DHX35: variants seen among roughly 807,000 people sequenced by gnomAD.
DHX35 encodes the protein DEAH-box helicase 35.
In DHX35, 84 loss-of-function variants were observed where a neutral mutation model predicts 99.6. The observed-to-expected ratio is 0.84, with a 90% CI of 0.71 to 1.01. The LOEUF (loss-of-function observed/expected upper bound fraction) is 1.01. Among genes scored for constraint, DHX35 ranks in the 50% least tolerant of loss-of-function variants. The pLI, the probability that DHX35 is intolerant of heterozygous loss-of-function variation, is 0.00. For missense variants in DHX35, 852 were observed against 888.5 expected (o/e 0.96, Z 0.52); for synonymous variants, 331 against 316.2 (o/e 1.05, Z -0.50).
intron 2 of DHX35, among the ~76,000 whole-genome samples, chr20:38,971,736 A>G (rs1039153651): frequency 5.3e-5 from 8 of 152,138 alleles, no homozygotes; most frequent in African/African-American, 1.9e-4. Context: ...ACACTGTTCT[A>G]CATCTCACTT....
chr20:38,990,252 G>A (rs2086317763), intron 5 of DHX35, among the ~76,000 whole-genome samples: 2 of 152,172 alleles, frequency 1.3e-5, no homozygotes, highest in Admixed American at 1.3e-4. Flanking sequence ...TATGTATGTG[G>A]CAGCTAGTAC....
intron 14 of DHX35, among the ~76,000 whole-genome samples, chr20:39,018,237 A>T (rs2086816748): frequency 6.6e-6 from 1 of 152,136 alleles, no homozygotes; most frequent in East Asian, 1.9e-4. Context: ...GATGCCATCG[A>T]TACCATCCTG....
At chr20:39,025,980 G>C (rs2086950887) in intron 18 of DHX35, among the ~76,000 whole-genome samples, 2 of 152,170 alleles carry the variant, frequency 1.3e-5, no homozygotes, top group Non-Finnish European at 2.9e-5. Context: ...ATCCTAGGGA[G>C]AAGGTAGATT....
chr20:39,028,623 C>T, intron 19 of DHX35, 124 bp downstream of exon 19: 1 of 1,108,970 alleles, frequency 9.0e-7, no homozygotes, highest in South Asian at 1.5e-5. Flanking sequence ...ATGTCTCCTT[C>T]CAAAACTGAG....
intron 5 of DHX35, among the ~76,000 whole-genome samples, chr20:38,991,010 T>G (rs1254549940): frequency 6.6e-6 from 1 of 152,198 alleles, no homozygotes. Flanking sequence ...TGATCCTATC[T>G]AGAGTCTGTA....
chr20:39,022,027 G>C, intron 16 of DHX35, 92 bp downstream of exon 16: 4 of 1,276,408 alleles, frequency 3.1e-6, no homozygotes, highest in Non-Finnish European at 2.3e-6. Flanking sequence ...GCTGAAGACA[G>C]AGCTGTACAA....
chr20:38,992,953 T>A (rs968811546), intron 7 of DHX35, among the ~76,000 whole-genome samples: 2 of 152,206 alleles, frequency 1.3e-5, no homozygotes, highest in Admixed American at 6.5e-5. Context: ...TTCATACATA[T>A]CCCAAAGAAG....
intron 4 of DHX35, among the ~76,000 whole-genome samples, chr20:38,984,024 C>T (rs959026169): frequency 6.6e-6 from 1 of 152,194 alleles, no homozygotes; most frequent in Non-Finnish European, 1.5e-5. Flanking sequence ...ATTCTCCTGC[C>T]TCAGCCTCCC....
At position 39,006,322 on chromosome 20, in the gene DHX35, T is replaced by G. The variant is rs768207540; in HGVS notation, c.1188T>G (p.Arg396=). 6.2e-7 allele frequency: 1 copy of G among 1,614,160 alleles called. No individual in the cohort carries two copies. The highest frequency in any genetic ancestry group is 1.3e-5 in the African/African-American group (1 of 75,042). Residue 396 remains arginine, a synonymous_variant, in exon 12 of 22, where the codon CGT becomes CGG. Coordinates refer to ENST00000252011, the MANE Select transcript of DHX35 (RefSeq NM_021931.4). ...ATCAGCGAGCAGGACGTGGTGGTCG[T>G]AGTCGCTCGGGAAAATGTTATCGCC... ...SANQRAGRGG[R]SRSGKCYRLY... is the part of the protein sequence containing the mutation.
At chr20:38,973,180 T>C (rs898226642) in intron 3 of DHX35, among the ~76,000 whole-genome samples, 1 of 152,198 alleles carries the variant, frequency 6.6e-6, no homozygotes, top group Non-Finnish European at 1.5e-5. Flanking sequence ...GTGAATATTG[T>C]GGTTAGAAAT....
intron 3 of DHX35, among the ~76,000 whole-genome samples, chr20:38,978,952 C>G (rs1302298652): frequency 6.6e-6 from 1 of 152,112 alleles, no homozygotes; most frequent in African/African-American, 2.4e-5. Context: ...ATAGATTGTC[C>G]TTTCCCTAAG....
Position 38,995,008 on chromosome 20 carries a change from A to T in DHX35, c.642+128A>T, listed in dbSNP as rs1410891627. The T allele has an allele frequency of 1.7e-5, 12 of 701,002 alleles. No homozygotes were observed. The East Asian group carries it at 2.4e-4, about 14-fold the overall frequency. 43.4% of individuals were successfully genotyped at this position (701,002 alleles called of 1,614,324 possible). On this transcript the variant is annotated intron_variant, in intron 8 of 21. Coordinates refer to ENST00000252011, the MANE Select transcript of DHX35 (RefSeq NM_021931.4). The stretch of plus-strand genomic sequence containing the variant: ...CCTATCTTCTTTATGGGACCATCTG[A>T]TGTCCTAGATTTCATATAATCAGAG...
intron 15 of DHX35, 129 bp from the exon 16 acceptor site, chr20:39,021,712 T>C (rs927176651): frequency 2.1e-6 from 2 of 931,260 alleles, no homozygotes; most frequent in African/African-American, 3.3e-5. Flanking sequence ...CTATACACTT[T>C]AAAAATTAAG....
At chr20:38,982,680 C>A (rs1430095665) in intron 3 of DHX35, among the ~76,000 whole-genome samples, 3 of 152,140 alleles carry the variant, frequency 2.0e-5, no homozygotes, top group African/African-American at 7.2e-5. Context: ...CTGTAGACAA[C>A]CATTTCTTAG....
chr20:38,973,328 T>C (rs1270779130), intron 3 of DHX35, among the ~76,000 whole-genome samples: 1 of 152,206 alleles, frequency 6.6e-6, no homozygotes, highest in Non-Finnish European at 1.5e-5. Flanking sequence ...AGGTATGACA[T>C]ATATGTAGGA....
intron 1 of DHX35, among the ~76,000 whole-genome samples, chr20:38,965,035 C>T (rs1235829792): frequency 1.6e-4 from 24 of 152,188 alleles, no homozygotes; most frequent in Admixed American, 1.2e-3. Flanking sequence ...CTGAAAAGTC[C>T]TGATGTGCAC....
intron 2 of DHX35, among the ~76,000 whole-genome samples, chr20:38,972,064 A>G (rs963744644): frequency 8.4e-5 from 11 of 130,886 alleles, no homozygotes; most frequent in Admixed American, 2.8e-4. Flanking sequence ...GCTGAAGTGC[A>G]GTGGCATGGT....
At chr20:38,980,300 T>C (rs2086151756) in intron 3 of DHX35, among the ~76,000 whole-genome samples, 2 of 152,232 alleles carry the variant, frequency 1.3e-5, no homozygotes, top group Admixed American at 6.5e-5. Context: ...TTTGCTGAGC[T>C]TGAAGTCCAG....
At chr20:38,963,924 C>T (rs1352577529) in intron 1 of DHX35, among the ~76,000 whole-genome samples, 3 of 151,954 alleles carry the variant, frequency 2.0e-5, no homozygotes, top group Non-Finnish European at 4.4e-5. Flanking sequence ...CCCATCATGT[C>T]TACCACTTAC....
Sources: gnomAD v4.1 joint callset for allele counts (sites outside exome capture counted in the v4.1 genomes callset) on GRCh38, gnomAD v4.1.1 for gene constraint, MANE v1.5 for transcripts, NCBI Gene and HGNC (gene_info 2026-07-23, HGNC 2026-07-21) for gene names.